The following ASAP2 variants were observed in gnomAD, a reference collection of about 807,000 sequenced individuals.
ASAP2 encodes ArfGAP with SH3 domain, ankyrin repeat and PH domain 2.
Under a neutral mutation model 131.4 loss-of-function variants are expected in ASAP2, and 45 were observed. That is an observed-to-expected ratio of 0.34 (90% CI 0.27 to 0.44). ASAP2 has a LOEUF of 0.44. Ranked by LOEUF, ASAP2 falls within the 20% of genes least tolerant of loss-of-function variation. The pLI is 1.00. For missense variants in ASAP2, 1,011 were observed against 1,297.0 expected (o/e 0.78, Z 3.39); for synonymous variants, 510 against 503.0 (o/e 1.01, Z -0.19).
At chr2:9,377,314 C>T (rs1674485237) in intron 18 of ASAP2, among the ~76,000 whole-genome samples, 1 of 152,214 alleles carries the variant, frequency 6.6e-6, no homozygotes, top group Non-Finnish European at 1.5e-5. Context: ...TCGCCTCATC[C>T]TGTGAGCCAG....
chr2:9,358,249 C>G (rs995890275), intron 14 of ASAP2, among the ~76,000 whole-genome samples: 3 of 152,216 alleles, frequency 2.0e-5, no homozygotes, highest in African/African-American at 7.2e-5. Flanking sequence ...ACAACACAAA[C>G]TGTTATTGCT....
At chr2:9,401,522 C>T (rs1558407645) in intron 27 of ASAP2, 126 bp downstream of exon 27, 8 of 1,271,864 alleles carry the variant, frequency 6.3e-6, no homozygotes, top group Non-Finnish European at 8.6e-6. Flanking sequence ...TTCCTGGTGC[C>T]TCCGCCCCTT....
chr2:9,395,717 C>T (rs1572633368), intron 24 of ASAP2, among the ~76,000 whole-genome samples: 1 of 145,690 alleles, frequency 6.9e-6, no homozygotes, highest in East Asian at 2.3e-4. Flanking sequence ...ACACCATTCT[C>T]CTGCCTCAGC....
intron 1 of ASAP2, among the ~76,000 whole-genome samples, chr2:9,248,382 T>TC (rs1292125857): frequency 6.6e-6 from 1 of 152,194 alleles, no homozygotes; most frequent in African/African-American, 2.4e-5. Context: ...CATTTTTTTT[T>TC]TTCTTCTGGG....
intron 18 of ASAP2, 108 bp downstream of exon 18, chr2:9,377,101 C>T: frequency 1.1e-6 from 1 of 929,478 alleles, no homozygotes; most frequent in Non-Finnish European, 1.7e-6. Context: ...AGAACCTTCC[C>T]AGTTCTAAAC....
rs1669276185 is a variant in ASAP2 at position 9,311,261 on chromosome 2, G to C, written c.346-7263G>C. ...AAAAATAAAAAAATTAGCCAGGCATGGTGGCTCATGCCTGTGGTCCCAGCT... is the reference window on the plus strand; with the variant it reads ...AAAAATAAAAAAATTAGCCAGGCATCGTGGCTCATGCCTGTGGTCCCAGCT... On this transcript the variant is annotated intron_variant, in intron 3 of 27. Coordinates refer to ENST00000281419, the MANE Select transcript of ASAP2 (RefSeq NM_003887.3). This position sits in a 1 kb window ranked among gnomAD's most constrained non-coding sequence, Gnocchi z 5.2. Among the ~76,000 whole-genome samples, 1 of 151,956 alleles carries C rather than the reference G, an allele frequency of 6.6e-6. No individual in the cohort carries two copies. Among genetic ancestry groups the C allele is most frequent in the Non-Finnish European group, 1.5e-5 (1 of 68,004 alleles).
At chr2:9,321,753 A>G (rs1670161895) in intron 5 of ASAP2, among the ~76,000 whole-genome samples, 1 of 152,198 alleles carries the variant, frequency 6.6e-6, no homozygotes, top group African/African-American at 2.4e-5. Flanking sequence ...AAGGTTTGGA[A>G]GAAGGATAAC....
rs1224747103 is a variant in ASAP2, at chr2:9,281,737, G to T, written c.199+2348G>T. On this transcript the variant is annotated intron_variant, in intron 2 of 27. Coordinates refer to ENST00000281419, the MANE Select transcript of ASAP2 (RefSeq NM_003887.3). The surrounding 1 kb of genome is among the most constrained non-coding windows in gnomAD (Gnocchi z 4.0). Reference sequence around the variant, plus strand: ...CACAGATCCATCCAAAGATTTTAATGTGCTAGTAATGTGGATTGTGAGTGG... The same window carrying T: ...CACAGATCCATCCAAAGATTTTAATTTGCTAGTAATGTGGATTGTGAGTGG... Among the ~76,000 whole-genome samples, 1 of 152,312 alleles carries T rather than the reference G, an allele frequency of 6.6e-6. No homozygotes were observed. Among genetic ancestry groups the T allele is most frequent in the East Asian group, 1.9e-4 (1 of 5,186 alleles).
intron 15 of ASAP2, among the ~76,000 whole-genome samples, chr2:9,363,036 G>A (rs4669386): frequency 0.27 from 40,310 of 151,992 alleles, 5,665 homozygotes; most frequent in Admixed American, 0.32. Context: ...GCATATAAAT[G>A]AGATCTTGCA....
At chr2:9,272,718 T>C (rs1318123163) in intron 1 of ASAP2, among the ~76,000 whole-genome samples, 2 of 152,206 alleles carry the variant, frequency 1.3e-5, no homozygotes, top group African/African-American at 4.8e-5. Flanking sequence ...CCATTTTGGT[T>C]TGATTTTTGT....
Position 9,318,616 on chromosome 2 carries a change from T to A in ASAP2, c.420+18T>A. 2 of 1,587,308 alleles carry A rather than the reference T, an allele frequency of 1.3e-6. No homozygotes were observed. The highest frequency in any genetic ancestry group is 1.7e-6 in the Non-Finnish European group (2 of 1,161,788). On this transcript the variant is annotated intron_variant, in intron 4 of 27. Transcript: ENST00000281419. ...TGAAAGGGGTATGACATTGACACTG[T>A]GACACCAGGGGCAGCTTTTACACCA...
intron 21 of ASAP2, 89 bp from the exon 22 acceptor site, chr2:9,388,205 C>T: frequency 6.5e-7 from 1 of 1,531,478 alleles, no homozygotes; most frequent in Non-Finnish European, 8.9e-7. Context: ...GAGTTGGTGT[C>T]AGTGAGGTTT....
intron 22 of ASAP2, among the ~76,000 whole-genome samples, chr2:9,390,125 C>T (rs1327834970): frequency 6.6e-6 from 1 of 151,964 alleles, no homozygotes; most frequent in Non-Finnish European, 1.5e-5. Flanking sequence ...ATTTTTTTTC[C>T]TTTTTCTTTT....
intron 14 of ASAP2, 99 bp downstream of exon 14, chr2:9,356,444 C>T (rs772902840): frequency 3.2e-5 from 43 of 1,331,108 alleles, no homozygotes; most frequent in East Asian, 3.2e-4. Flanking sequence ...ATTTCAAACA[C>T]GAAATTAAGT....
intron 15 of ASAP2, among the ~76,000 whole-genome samples, chr2:9,359,208 G>T (rs1386130955): frequency 6.6e-6 from 1 of 152,242 alleles, no homozygotes; most frequent in Non-Finnish European, 1.5e-5. Context: ...GACAGATGTG[G>T]AATGCAACGT....
chr2:9,398,178 C>T (rs1676332591), intron 24 of ASAP2, among the ~76,000 whole-genome samples: 1 of 151,966 alleles, frequency 6.6e-6, no homozygotes, highest in Admixed American at 6.6e-5. Context: ...TTTCACACCA[C>T]AGTGGCAGAG....
chr2:9,279,468 C>G, intron 2 of ASAP2, 79 bp downstream of exon 2: 1 of 1,366,356 alleles, frequency 7.3e-7, no homozygotes, highest in Non-Finnish European at 1.0e-6. Flanking sequence ...TATTGATGAC[C>G]ATTAACAAAT....
At chr2:9,345,363 A>G (rs1007556966) in intron 11 of ASAP2, among the ~76,000 whole-genome samples, 3 of 152,200 alleles carry the variant, frequency 2.0e-5, no homozygotes, top group Non-Finnish European at 4.4e-5. Flanking sequence ...TCTATGCAAG[A>G]AAAAACGGAG....
intron 25 of ASAP2, among the ~76,000 whole-genome samples, chr2:9,400,379 T>C (rs1676558056): frequency 1.8e-5 from 1 of 55,344 alleles, no homozygotes; most frequent in Admixed American, 2.0e-4. Context: ...CCCCGCCACC[T>C]GCCTTCCTCC....
Sources: gnomAD v4.1 joint callset for allele counts (sites outside exome capture counted in the v4.1 genomes callset) on GRCh38, gnomAD v4.1.1 for gene constraint, Gnocchi (gnomAD v3.1) non-coding constraint, MANE v1.5 for transcripts, NCBI Gene and HGNC (gene_info 2026-07-23, HGNC 2026-07-21) for gene names.